ROBO2: variants seen among roughly 807,000 people sequenced by gnomAD.
ROBO2 encodes the protein roundabout homolog 2.
Under a neutral mutation model 160.8 loss-of-function variants are expected in ROBO2, and 53 were observed. The observed-to-expected ratio is 0.33, with a 90% confidence interval of 0.26 to 0.41. The LOEUF is 0.41. Among genes scored for constraint, ROBO2 ranks in the 10% least tolerant of loss-of-function variants. The probability of loss-of-function intolerance (pLI) is 1.00; values close to 1 mark genes in which losing one functional copy is unlikely to be tolerated. For missense variants in ROBO2, 1,577 were observed against 1,722.4 expected, an observed-to-expected ratio of 0.92 and a Z score of 1.49; for synonymous variants, 664 against 611.7, an observed-to-expected ratio of 1.09 and a Z score of -1.26.
chr3:75,938,872 T>C (rs1263189241), intron 2 of ROBO2, among the ~76,000 whole-genome samples: 1 of 152,198 alleles, frequency 6.6e-6, no homozygotes, highest in Non-Finnish European at 1.5e-5. Context: ...TATATTAGCA[T>C]CTAATAGAAT....
intron 2 of ROBO2, among the ~76,000 whole-genome samples, chr3:77,409,137 G>T (rs1162161749): frequency 6.8e-6 from 1 of 147,676 alleles, no homozygotes; most frequent in South Asian, 2.1e-4. Flanking sequence ...TTTTACTGAG[G>T]TTAAAATCAT....
intron 2 of ROBO2, among the ~76,000 whole-genome samples, chr3:76,083,866 C>T (rs757904138): frequency 1.3e-5 from 2 of 152,204 alleles, no homozygotes; most frequent in South Asian, 2.1e-4. Context: ...GCAATCTCAA[C>T]GATGATGGCA....
chr3:77,233,506 A>G (rs1329830430), intron 2 of ROBO2, among the ~76,000 whole-genome samples: 1 of 152,156 alleles, frequency 6.6e-6, no homozygotes, highest in Non-Finnish European at 1.5e-5. Flanking sequence ...GCCCATCACT[A>G]TATGTAAAAT....
intron 2 of ROBO2, among the ~76,000 whole-genome samples, chr3:76,753,400 A>G (rs932866433): frequency 1.3e-5 from 2 of 151,864 alleles, no homozygotes; most frequent in African/African-American, 4.8e-5. Context: ...TGCATTTGGA[A>G]AATAATGATT....
intron 2 of ROBO2, among the ~76,000 whole-genome samples, chr3:77,428,431 CT>C (rs1352370996): frequency 2.1e-5 from 3 of 144,220 alleles, no homozygotes; most frequent in Non-Finnish European, 3.0e-5. Context: ...TCTCGGCTCA[CT>C]TGCAAGCTCC....
chr3:76,074,481 TAG>T (rs2068577748), intron 2 of ROBO2, among the ~76,000 whole-genome samples: 1 of 152,208 alleles, frequency 6.6e-6, no homozygotes, highest in African/African-American at 2.4e-5. Flanking sequence ...GTAATCAGAT[TAG>T]AATTTCTTCC....
intron 2 of ROBO2, among the ~76,000 whole-genome samples, chr3:77,439,068 A>G (rs567861264): frequency 3.9e-5 from 6 of 152,152 alleles, no homozygotes; most frequent in East Asian, 1.9e-4. Context: ...AAAGGACAAT[A>G]TATATTGTCC....
chr3:77,367,649 A>T (rs1478322463), intron 2 of ROBO2, among the ~76,000 whole-genome samples: 1 of 152,214 alleles, frequency 6.6e-6, no homozygotes, highest in African/African-American at 2.4e-5. Flanking sequence ...AGGCAACAGT[A>T]ATTTTCCGTG....
intron 2 of ROBO2, among the ~76,000 whole-genome samples, chr3:77,349,878 T>C (rs1444024394): frequency 6.6e-6 from 1 of 152,082 alleles, no homozygotes; most frequent in Non-Finnish European, 1.5e-5. Context: ...TCCATGCAGC[T>C]CTGCCTGTCT....
chr3:76,953,915 C>T (rs1379488323), intron 2 of ROBO2, among the ~76,000 whole-genome samples: 1 of 152,182 alleles, frequency 6.6e-6, no homozygotes, highest in African/African-American at 2.4e-5. Context: ...GAGTAAGTCT[C>T]TACTCAAAAG....
chr3:76,281,802 A>G (rs1708246565), intron 2 of ROBO2, among the ~76,000 whole-genome samples: 3 of 152,018 alleles, frequency 2.0e-5, no homozygotes, highest in Admixed American at 6.6e-5. Flanking sequence ...CACATACAAT[A>G]AAGAGGGTAT....
intron 2 of ROBO2, among the ~76,000 whole-genome samples, chr3:76,355,042 G>A (rs1166733960): frequency 2.0e-5 from 3 of 151,346 alleles, no homozygotes; most frequent in Non-Finnish European, 4.4e-5. Context: ...ATGTGTATGT[G>A]TATGTGTGTG....
chr3:76,402,318 G>A (rs2108765952), intron 2 of ROBO2, among the ~76,000 whole-genome samples: 1 of 151,566 alleles, frequency 6.6e-6, no homozygotes, highest in African/African-American at 2.4e-5. Flanking sequence ...CACATAACTT[G>A]GCAATTGTGT....
intron 2 of ROBO2, among the ~76,000 whole-genome samples, chr3:77,143,148 C>T (rs2076841161): frequency 6.8e-6 from 1 of 147,144 alleles, no homozygotes; most frequent in Non-Finnish European, 1.5e-5. Flanking sequence ...AATTTACCTA[C>T]CAGACACCAT....
chr3:77,522,829 T>C (rs1035258068), exon 6 of ROBO2: 2 of 1,609,636 alleles, frequency 1.2e-6, no homozygotes, highest in African/African-American at 2.7e-5. Flanking sequence ...TGAGTACAGA[T>C]GAAGGCACCT....
intron 2 of ROBO2, among the ~76,000 whole-genome samples, chr3:76,078,464 C>G (rs1245641323): frequency 6.6e-6 from 1 of 152,098 alleles, no homozygotes; most frequent in Non-Finnish European, 1.5e-5. Flanking sequence ...CTCCTAGGCT[C>G]AAGCAATCCT....
intron 2 of ROBO2, among the ~76,000 whole-genome samples, chr3:76,195,897 A>C (rs915959789): frequency 2.0e-5 from 3 of 152,006 alleles, no homozygotes; most frequent in Admixed American, 2.0e-4. Flanking sequence ...CTTACGTCTT[A>C]GCCACATCCT....
At chr3:76,993,807 G>A (rs2060828863) in intron 2 of ROBO2, among the ~76,000 whole-genome samples, 1 of 151,892 alleles carries the variant, frequency 6.6e-6, no homozygotes, top group African/African-American at 2.4e-5. Context: ...AAATACCCAT[G>A]CATTTCCTGT....
intron 2 of ROBO2, among the ~76,000 whole-genome samples, chr3:76,667,924 A>C (rs186295211): frequency 6.6e-6 from 1 of 152,226 alleles, no homozygotes; most frequent in East Asian, 1.9e-4. Flanking sequence ...AGTTTGAAAA[A>C]AAAACTATGT....
Sources: allele counts gnomAD v4.1 joint callset (sites outside exome capture counted in the v4.1 genomes callset), GRCh38; gene constraint gnomAD v4.1.1; transcripts MANE v1.5; gene names NCBI Gene and HGNC (gene_info 2026-07-23, HGNC 2026-07-21).